APP: variants seen among roughly 807,000 people sequenced by gnomAD.
The protein encoded by APP is amyloid-beta precursor protein.
Under a neutral mutation model 101.4 loss-of-function variants are expected in APP, and 31 were observed. That is an observed-to-expected ratio of 0.31 (90% CI 0.23 to 0.41). APP has a LOEUF of 0.41. Ranked by LOEUF, APP falls within the 10% of genes least tolerant of loss-of-function variation. APP has a pLI of 1.00. For synonymous variants in APP, 366 were observed against 364.4 expected (o/e 1.00, Z -0.05); for missense variants, 839 against 1,003.7 (o/e 0.84, Z 2.22).
Position 25,937,764 on chromosome 21 carries a change from A to G in APP, c.1687+16826T>C, listed in dbSNP as rs139486230. The G allele has an allele frequency of 1.2e-3, 177 of 152,188 alleles. 1 individual carries two copies. The highest frequency in any genetic ancestry group is 4.0e-3 in the African/African-American group (167 of 41,524). 9.4% of individuals were successfully genotyped at this position (152,188 alleles called of 1,614,324 possible). A position where few individuals can be genotyped will look rare whatever the true frequency, so the allele number is the denominator to read the frequency against. ...ACTCAAGCCCATCTTATGCTTATACAGTTTTTTGTTTTTGTTTGTTTTGAG... is the reference window on the plus strand; with the variant it reads ...ACTCAAGCCCATCTTATGCTTATACGGTTTTTTGTTTTTGTTTGTTTTGAG... On this transcript the variant is annotated intron_variant, in intron 13 of 17. Coordinates refer to ENST00000346798, the MANE Select transcript of APP (RefSeq NM_000484.4).
chr21:26,169,057 AG>A (rs754157702), intron 1 of APP, among the ~76,000 whole-genome samples: 1 of 152,252 alleles, frequency 6.6e-6, no homozygotes, highest in Non-Finnish European at 1.5e-5. Context: ...GATGCCAAAC[AG>A]GAACCCAACC....
intron 13 of APP, among the ~76,000 whole-genome samples, chr21:25,951,060 T>C (rs2041053690): frequency 1.3e-5 from 2 of 152,316 alleles, no homozygotes; most frequent in Admixed American, 6.5e-5. Context: ...GCTAGACCCA[T>C]GAATTTGGGA....
intron 1 of APP, among the ~76,000 whole-genome samples, chr21:26,133,161 C>A (rs1195113777): frequency 6.6e-6 from 1 of 152,120 alleles, no homozygotes; most frequent in Non-Finnish European, 1.5e-5. Flanking sequence ...TCGCTTGAGC[C>A]CAGCAGGTCA....
chr21:26,075,276 C>A (rs977991462), intron 3 of APP, among the ~76,000 whole-genome samples: 1 of 152,188 alleles, frequency 6.6e-6, no homozygotes, highest in African/African-American at 2.4e-5. Context: ...GAAGAGCTTA[C>A]ATTTTGAACA....
At chr21:25,984,417 A>T (rs977933803) in intron 8 of APP, among the ~76,000 whole-genome samples, 1 of 152,208 alleles carries the variant, frequency 6.6e-6, no homozygotes, top group Admixed American at 6.5e-5. Context: ...TGTAGCCCAC[A>T]TAAAAAAGGC....
At chr21:25,929,391 T>C (rs2040044924) in intron 13 of APP, among the ~76,000 whole-genome samples, 1 of 151,988 alleles carries the variant, frequency 6.6e-6, no homozygotes, top group Admixed American at 6.6e-5. Context: ...GAGTAGTGGT[T>C]TTTTTTTAAT....
chr21:26,128,791 AC>A (rs1334341305), intron 1 of APP, among the ~76,000 whole-genome samples: 75 of 152,322 alleles, frequency 4.9e-4, no homozygotes, highest in Middle Eastern at 3.4e-3. Context: ...AATGTATTTG[AC>A]CGTGGGCCAC....
At chr21:26,169,723 C>T (rs533000483) in intron 1 of APP, among the ~76,000 whole-genome samples, 8 of 152,348 alleles carry the variant, frequency 5.3e-5, no homozygotes, top group Non-Finnish European at 1.2e-4. Flanking sequence ...TAACGCGGCT[C>T]GGCCCACGGC....
intron 5 of APP, among the ~76,000 whole-genome samples, chr21:26,024,831 T>A (rs1371042070): frequency 6.6e-6 from 1 of 152,222 alleles, no homozygotes; most frequent in African/African-American, 2.4e-5. Flanking sequence ...TAACTCTGAT[T>A]AAATATGATG....
intron 1 of APP, among the ~76,000 whole-genome samples, chr21:26,145,364 A>G (rs1331167864): frequency 1.3e-5 from 2 of 152,212 alleles, no homozygotes; most frequent in East Asian, 3.9e-4. Flanking sequence ...TCCACCTCAG[A>G]TCATCAGACA....
chr21:25,954,654 C>G lies in APP; in HGVS notation c.1623G>C (p.Met541Ile). ...MTHLRVIYER[M>I]NQSLSLLYNV... is the part of the protein sequence containing the mutation. ...TGTAGAGCAGGGAGAGAGACTGATT[C>G]ATGCGCTCATAAATCACACGGAGGT... The change falls in exon 13 of 18, where the codon ATG (methionine) becomes ATC (isoleucine). Residue 541 changes from methionine to isoleucine, a missense_variant. Transcript: ENST00000346798. 6.2e-7 allele frequency: 1 copy of G among 1,614,092 alleles called. No homozygotes were observed. The highest frequency in any genetic ancestry group is 8.5e-7 in the Non-Finnish European group (1 of 1,180,012).
chr21:26,054,620 GT>G (rs369608335), intron 3 of APP, among the ~76,000 whole-genome samples: 1,630 of 107,970 alleles, frequency 0.015, 20 homozygotes, highest in African/African-American at 0.031. Flanking sequence ...TAGGCCAAAA[GT>G]TTTTTTTTTT....
intron 3 of APP, among the ~76,000 whole-genome samples, chr21:26,083,884 C>A (rs1199222664): frequency 1.3e-5 from 2 of 151,950 alleles, no homozygotes; most frequent in Non-Finnish European, 2.9e-5. Context: ...GTAAAGAAGA[C>A]AAAACTGAAG....
intron 1 of APP, among the ~76,000 whole-genome samples, chr21:26,166,132 T>C (rs411207): frequency 0.034 from 5,108 of 152,240 alleles, 218 homozygotes; most frequent in East Asian, 0.2. Context: ...ACTGAAAAAA[T>C]AGTTACATAA....
At chr21:26,023,439 C>T (rs898145388) in intron 5 of APP, among the ~76,000 whole-genome samples, 6 of 149,884 alleles carry the variant, frequency 4.0e-5, no homozygotes, top group African/African-American at 1.5e-4. Flanking sequence ...ACTCAGAAGG[C>T]TGGGGCGGGA....
intron 13 of APP, chr21:25,942,773 TAA>T (rs1440602325): frequency 6.6e-6 from 1 of 152,218 alleles, no homozygotes; most frequent in Non-Finnish European, 1.5e-5. Context: ...CCTATCATGG[TAA>T]ATATATATAA....
chr21:25,907,505 C>T (rs1024641440), intron 14 of APP, among the ~76,000 whole-genome samples: 1 of 152,226 alleles, frequency 6.6e-6, no homozygotes, highest in African/African-American at 2.4e-5. Flanking sequence ...AAACATCTTA[C>T]ATTGGCTGTT....
chr21:26,053,408 G>T, intron 3 of APP, 60 bp from the exon 4 acceptor site: 1 of 1,224,132 alleles, frequency 8.2e-7, no homozygotes, highest in Non-Finnish European at 1.2e-6. Flanking sequence ...TCTTACCGCA[G>T]AAGACATCAA....
At chr21:26,016,324 C>T (rs1331750081) in intron 6 of APP, among the ~76,000 whole-genome samples, 1 of 152,144 alleles carries the variant, frequency 6.6e-6, no homozygotes, top group Non-Finnish European at 1.5e-5. Context: ...TGAGCCACAG[C>T]GCCAGCCTGA....
Sources: allele counts gnomAD v4.1 joint callset (sites outside exome capture counted in the v4.1 genomes callset), GRCh38; gene constraint gnomAD v4.1.1; transcripts MANE v1.5; gene names NCBI Gene and HGNC (gene_info 2026-07-23, HGNC 2026-07-21).